The following MTHFD1L variants were observed in gnomAD, a reference collection of about 807,000 sequenced individuals.
The protein encoded by MTHFD1L is methylenetetrahydrofolate dehydrogenase (NADP+ dependent) 1 like, also known as monofunctional C1-tetrahydrofolate synthase, mitochondrial.
MTHFD1L carries 81 observed loss-of-function variants against 119.5 expected under a neutral mutation model. That is an observed-to-expected ratio of 0.68 (90% CI 0.57 to 0.82). MTHFD1L has a LOEUF of 0.82. MTHFD1L is among the 40% of genes least tolerant of loss of function. MTHFD1L has a pLI of 0.00. For missense variants in MTHFD1L, 1,125 were observed against 1,253.4 expected (o/e 0.90, Z 1.55); for synonymous variants, 430 against 475.2 (o/e 0.90, Z 1.24).
At chr6:151,018,052 C>T (rs533399083) in intron 24 of MTHFD1L, among the ~76,000 whole-genome samples, 82 of 152,154 alleles carry the variant, frequency 5.4e-4, no homozygotes, top group African/African-American at 1.8e-3. Flanking sequence ...TCCCAGGGCT[C>T]ACTCTCCTCC....
rs1306805680 is a variant in MTHFD1L at position 150,905,690 on chromosome 6, C to T, written c.821C>T (p.Pro274Leu). The T allele has an allele frequency of 1.2e-6, 2 of 1,614,004 alleles. No individual in the cohort carries two copies. The highest frequency in any genetic ancestry group is 1.7e-6 in the Non-Finnish European group (2 of 1,180,012). Reference protein sequence around the residue: ...ADIVVLGSPKPEEIPLTWIQP... With the variant: ...ADIVVLGSPKLEEIPLTWIQP... The stretch of plus-strand genomic sequence containing the variant: ...ATTGTGGTCCTAGGCTCACCTAAGC[C>T]AGAAGAGATTCCCCTTACTTGGATA... The change falls in exon 8 of 28, where the codon CCA (proline) becomes CTA (leucine). Residue 274 changes from proline to leucine, a missense_variant. Physicochemically the swap from Pro to Leu is moderately conservative, Grantham distance 98 (BLOSUM62 -3). Coordinates refer to ENST00000367321, the MANE Select transcript of MTHFD1L (RefSeq NM_015440.5).
chr6:150,877,978 AATGC>A, intron 4 of MTHFD1L, 152 bp downstream of exon 4: 1 of 878,638 alleles, frequency 1.1e-6, no homozygotes, highest in South Asian at 1.6e-5. Context: ...CTCTAGGGTA[AATGC>A]TTCATGATAT....
At chr6:150,955,160 C>A (rs1795433188) in intron 16 of MTHFD1L, among the ~76,000 whole-genome samples, 1 of 152,122 alleles carries the variant, frequency 6.6e-6, no homozygotes, top group Admixed American at 6.5e-5. Flanking sequence ...AACAAAAACT[C>A]CTTATCCATT....
chr6:151,019,850 G>A (rs1341908236), intron 24 of MTHFD1L, among the ~76,000 whole-genome samples: 2 of 152,296 alleles, frequency 1.3e-5, no homozygotes, highest in South Asian at 2.1e-4. Flanking sequence ...CAGTAATAGA[G>A]CTCAAGCCTT....
At chr6:151,077,813 C>G (rs921921715) in intron 26 of MTHFD1L, among the ~76,000 whole-genome samples, 3 of 152,034 alleles carry the variant, frequency 2.0e-5, no homozygotes, top group African/African-American at 7.2e-5. Flanking sequence ...CTTGTAATCC[C>G]AGCACTTTGG....
At chr6:151,048,154 T>C (rs1985153) in intron 26 of MTHFD1L, among the ~76,000 whole-genome samples, 4,251 of 152,240 alleles carry the variant, frequency 0.028, 121 homozygotes, top group Admixed American at 0.098. Flanking sequence ...TGGCTGGGGA[T>C]ACAGCGCCAA....
chr6:150,964,939 A>G (rs775366318), intron 18 of MTHFD1L, 30 bp from the exon 19 acceptor site: 3 of 1,606,476 alleles, frequency 1.9e-6, no homozygotes, highest in South Asian at 2.2e-5. Flanking sequence ...ATATTTTGTC[A>G]GGAATCTAAT....
intron 20 of MTHFD1L, among the ~76,000 whole-genome samples, chr6:151,006,614 A>G (rs1441970790): frequency 6.6e-6 from 1 of 152,154 alleles, no homozygotes; most frequent in Non-Finnish European, 1.5e-5. Context: ...AGGGCATTCA[A>G]TGGTTATAAA....
chr6:150,912,816 C>A, intron 8 of MTHFD1L: 1 of 368,164 alleles, frequency 2.7e-6, no homozygotes, highest in South Asian at 2.1e-5. Flanking sequence ...GGACTGTGAT[C>A]CCAGGATATT....
chr6:150,962,917 T>TA (rs1481334377), intron 18 of MTHFD1L, among the ~76,000 whole-genome samples: 3 of 43,290 alleles, frequency 6.9e-5, no homozygotes, highest in African/African-American at 1.7e-4. Flanking sequence ...TTCTTTTCTT[T>TA]TTTTTTTTTT....
Position 151,092,449 on chromosome 6 carries a change from C to T in MTHFD1L, c.2848-18C>T. On this transcript the variant is annotated intron_variant, in intron 26 of 27. Transcript: ENST00000367321. ...TTGTAGCATTTGCTAATCTGTAACG[C>T]TTGGTTTTCTCCCCCAGATGAGCAC... 2 of 1,600,304 alleles carry T rather than the reference C, an allele frequency of 1.2e-6. No individual in the cohort carries two copies. The highest frequency in any genetic ancestry group is 1.7e-6 in the Non-Finnish European group (2 of 1,172,496).
At chr6:150,960,170 C>T in intron 17 of MTHFD1L, 105 bp from the exon 18 acceptor site, 7 of 1,412,390 alleles carry the variant, frequency 5.0e-6, no homozygotes, top group Non-Finnish European at 9.5e-7. Flanking sequence ...TGAGGGTAGA[C>T]TCTCTGGGCC....
Position 150,882,856 on chromosome 6 carries a change from A to G in MTHFD1L, c.512A>G (p.Asn171Ser), listed in dbSNP as rs1173762712. The change falls in exon 5 of 28, where the codon AAT (asparagine) becomes AGT (serine). Residue 171 changes from asparagine (N) to serine (S), a missense_variant. This residue lies in a region of MTHFD1L where 1,058 missense variants were observed against 1,151.2 expected (regional missense o/e 0.92). Coordinates refer to ENST00000367321, the MANE Select transcript of MTHFD1L (RefSeq NM_015440.5). The part of the protein sequence containing the change: ...SENLFSNKVL[N>S]ALKPEKDVDG... ...AACTTGTTTAGCAACAAAGTCCTCA[A>G]TGCCTTGAAACCAGAAAAAGATGTG... 8 of 1,579,326 alleles carry G rather than the reference A, an allele frequency of 5.1e-6. No homozygotes were observed. The highest frequency in any genetic ancestry group is 6.0e-6 in the Non-Finnish European group (7 of 1,169,738).
intron 26 of MTHFD1L, among the ~76,000 whole-genome samples, chr6:151,084,984 AATATAT>A (rs1222130429): frequency 6.8e-5 from 7 of 102,870 alleles, no homozygotes; most frequent in South Asian, 3.2e-4. Context: ...AAAAAAAAAA[AATATAT>A]ATATATATAT....
Position 150,965,042 on chromosome 6 carries a change from G to A in MTHFD1L, c.2013+5G>A. The A allele has an allele frequency of 6.2e-7, 1 of 1,613,370 alleles. No individual in the cohort carries two copies. Among genetic ancestry groups the A allele is most frequent in the Non-Finnish European group, 8.5e-7 (1 of 1,179,384 alleles). Reference sequence around the variant, plus strand: ...AACCTGATGCAGACCCTGGAAGTAAGTGGTTTTCTTCTTATAGTAATTGTT... The same window carrying A: ...AACCTGATGCAGACCCTGGAAGTAAATGGTTTTCTTCTTATAGTAATTGTT... On this transcript the variant is annotated splice_donor_5th_base_variant and intron_variant, in intron 19 of 27. Transcript: ENST00000367321.
intron 20 of MTHFD1L, among the ~76,000 whole-genome samples, chr6:150,990,479 G>C (rs1160289142): frequency 6.6e-6 from 1 of 151,554 alleles, no homozygotes; most frequent in African/African-American, 2.4e-5. Flanking sequence ...ATTTTTTTGA[G>C]ACAGAGTTTC....
At position 151,092,580 on chromosome 6, in the gene MTHFD1L, C is replaced by T. The variant is rs55900774; in HGVS notation, c.*24C>T. ...AAGTGGACAAGGCTCTCACAGGACC[C>T]GATGCAGGTAGGCTGATGTGCTTCA... is the stretch of plus-strand genomic sequence containing the variant. On this transcript the variant is annotated 3_prime_UTR_variant, in exon 27 of 28. Coordinates refer to ENST00000367321, the MANE Select transcript of MTHFD1L (RefSeq NM_015440.5). 1.1e-5 allele frequency: 18 copies of T among 1,587,612 alleles called. No individual in the cohort carries two copies. In the Middle Eastern group the frequency reaches 5.0e-4, roughly 44 times the overall value.
At chr6:151,061,522 C>A (rs76042054) in intron 26 of MTHFD1L, among the ~76,000 whole-genome samples, 4,889 of 152,290 alleles carry the variant, frequency 0.032, 155 homozygotes, top group Admixed American at 0.099. Context: ...AACCCTCCCA[C>A]AATCCAAGTT....
rs373281795 is a variant in MTHFD1L at position 150,945,467 on chromosome 6, G to C, written c.1549G>C (p.Ala517Pro). 1.2e-6 allele frequency: 2 copies of C among 1,612,136 alleles called. No homozygotes were observed. Among genetic ancestry groups the C allele is most frequent in the Admixed American group, 1.7e-5 (1 of 59,666 alleles). Residue 517 changes from alanine to proline, a missense_variant and splice_region_variant, in exon 15 of 28, where the codon GCT (alanine) becomes CCT (proline). Physicochemically the swap from Ala to Pro is conservative, Grantham distance 27. Coordinates refer to ENST00000367321, the MANE Select transcript of MTHFD1L (RefSeq NM_015440.5). ...ILHENTQTDK[A>P]LYNRLVPLVN... ...TCTCATTTTTGTTTTGTGTTTTTAG[G>C]CTCTGTATAATCGGCTGGTTCCTTT...
Sources: allele counts gnomAD v4.1 joint callset (sites outside exome capture counted in the v4.1 genomes callset), GRCh38; gene constraint gnomAD v4.1.1; regional missense constraint gnomAD v4.1.1; transcripts MANE v1.5; gene names NCBI Gene and HGNC (gene_info 2026-07-23, HGNC 2026-07-21).